INTS13: variants seen among roughly 807,000 people sequenced by gnomAD.
INTS13 encodes asunder, spermatogenesis regulator homolog (Drosphila).
In INTS13, 35 loss-of-function variants were observed where a neutral mutation model predicts 90.2. That is an observed-to-expected ratio of 0.39 (90% CI 0.30 to 0.51). The LOEUF is 0.51. INTS13 is among the 20% of genes least tolerant of loss of function. The pLI is 0.80. For missense variants in INTS13, 601 were observed against 851.2 expected, an observed-to-expected ratio of 0.71 and a Z score of 3.66; for synonymous variants, 309 against 277.1, an observed-to-expected ratio of 1.11 and a Z score of -1.14.
chr12:26,921,347 T>A (rs902367840), intron 8 of INTS13, among the ~76,000 whole-genome samples: 1 of 152,258 alleles, frequency 6.6e-6, no homozygotes, highest in African/African-American at 2.4e-5. Flanking sequence ...TATCACTCTT[T>A]CGAGTTTGCT....
intron 14 of INTS13, among the ~76,000 whole-genome samples, 158 bp downstream of exon 14, chr12:26,913,299 C>T (rs1951841547): frequency 6.6e-6 from 1 of 152,118 alleles, no homozygotes; most frequent in African/African-American, 2.4e-5. Context: ...AAGAAAGATC[C>T]TCTAGATTTT....
intron 14 of INTS13, among the ~76,000 whole-genome samples, chr12:26,911,524 T>A (rs891229728): frequency 6.6e-6 from 1 of 151,834 alleles, no homozygotes; most frequent in Non-Finnish European, 1.5e-5. Context: ...TTCATAATAA[T>A]AATGCAATGA....
intron 4 of INTS13, 135 bp downstream of exon 4, chr12:26,928,568 A>AT (rs998615100): frequency 5.7e-5 from 50 of 872,460 alleles, no homozygotes; most frequent in Non-Finnish European, 8.5e-5. Flanking sequence ...AAAAAAAAAA[A>AT]GAAAAAAATC....
chr12:26,934,214 T>TG (rs2136322107), intron 3 of INTS13, among the ~76,000 whole-genome samples: 1 of 152,288 alleles, frequency 6.6e-6, no homozygotes, highest in East Asian at 1.9e-4. Flanking sequence ...GAGGTTGCAG[T>TG]GAGCCGAGAT....
At position 26,924,409 on chromosome 12, in the gene INTS13, T is replaced by A. The variant is rs775890284; in HGVS notation, c.750A>T (p.Leu250Phe). 1.2e-6 allele frequency: 2 copies of A among 1,613,480 alleles called. No homozygotes were observed. The highest frequency in any genetic ancestry group is 8.5e-7 in the Non-Finnish European group (1 of 1,179,554). ...GRHLATKLNI[L>F]VQQHFDLAST... ...AAGCCAAGTCAAAATGTTGCTGTAC[T>A]AAAATATTCAATTTGGTAGCAAGAT... Residue 250 changes from leucine (L) to phenylalanine (F), a missense_variant, in exon 7 of 17, where the codon TTA (leucine) becomes TTT (phenylalanine). Physicochemically the swap from Leu to Phe is conservative, Grantham distance 22. Around this residue, in one of 3 missense-constraint regions of INTS13, gnomAD observed 284 missense variants for 387.7 expected, o/e 0.73. Coordinates refer to ENST00000261191, the MANE Select transcript of INTS13 (RefSeq NM_018164.3).
intron 11 of INTS13, among the ~76,000 whole-genome samples, chr12:26,915,745 T>C (rs1951914030): frequency 6.6e-6 from 1 of 152,208 alleles, no homozygotes; most frequent in Non-Finnish European, 1.5e-5. Context: ...TTCAAATCAA[T>C]TTATTATTTC....
intron 16 of INTS13, among the ~76,000 whole-genome samples, chr12:26,905,895 C>T (rs573270134): frequency 3.5e-4 from 54 of 152,232 alleles, no homozygotes; most frequent in African/African-American, 1.2e-3. Flanking sequence ...TTTCCACCAA[C>T]AAATTAAGAG....
chr12:26,926,017 A>C (rs1592222136), intron 5 of INTS13, among the ~76,000 whole-genome samples, 166 bp from the exon 6 acceptor site: 1 of 152,356 alleles, frequency 6.6e-6, no homozygotes, highest in Non-Finnish European at 1.5e-5. Flanking sequence ...TGTAATTGCT[A>C]TACCTGTATG....
intron 16 of INTS13, 133 bp from the exon 17 acceptor site, chr12:26,905,669 A>C: frequency 1.2e-6 from 1 of 865,110 alleles, no homozygotes; most frequent in Non-Finnish European, 1.7e-6. Flanking sequence ...GAAAGGACTA[A>C]CATCAGGGTT....
Position 26,917,645 on chromosome 12 carries a change from A to G in INTS13, c.978T>C (p.Ile326=). The G allele has an allele frequency of 6.2e-7, 1 of 1,610,274 alleles. No homozygotes were observed. The change falls in exon 9 of 17, where the codon ATT becomes ATC. Residue 326 remains isoleucine (I), a splice_region_variant and synonymous_variant. Transcript: ENST00000261191. The part of the protein sequence containing the change: ...LKWCTPRTNN[I]ELHYCTGAYR... Reference sequence around the variant, plus strand: ...TTTCAGTTATTCTTAAATACCTACCAATGTTATTTGTCCTTGGTGTACACC... The same window carrying G: ...TTTCAGTTATTCTTAAATACCTACCGATGTTATTTGTCCTTGGTGTACACC...
intron 8 of INTS13, among the ~76,000 whole-genome samples, chr12:26,919,761 T>C (rs937758026): frequency 3.5e-5 from 5 of 141,556 alleles, no homozygotes; most frequent in African/African-American, 1.3e-4. Flanking sequence ...AGCTCCTAAG[T>C]TGTTTTGGGC....
chr12:26,920,848 G>C (rs546218020), intron 8 of INTS13, among the ~76,000 whole-genome samples: 19 of 152,104 alleles, frequency 1.2e-4, no homozygotes, highest in Admixed American at 7.2e-4. Context: ...TTTCATGTTA[G>C]CAGTTCATTA....
intron 3 of INTS13, among the ~76,000 whole-genome samples, chr12:26,932,339 G>T (rs529424714): frequency 6.6e-6 from 1 of 152,106 alleles, no homozygotes; most frequent in East Asian, 1.9e-4. Flanking sequence ...AGAACTAGAG[G>T]CACCAATTAC....
chr12:26,936,807 G>GT lies in INTS13; in HGVS notation c.-5dup, dbSNP rs746621463. The GT allele has an allele frequency of 5.0e-6, 8 of 1,604,996 alleles. No homozygotes were observed. In the African/African-American group the frequency reaches 1.1e-4, roughly 21 times the overall value. ...GAGATTCAGAAAAAATCTTCATTTT[G>GT]TTTTAACCTGTAAGGGGAAAAACAT... On this transcript the variant is annotated 5_prime_UTR_variant, in exon 2 of 17. Coordinates refer to ENST00000261191, the MANE Select transcript of INTS13 (RefSeq NM_018164.3).
At chr12:26,929,549 C>T (rs970068507) in intron 3 of INTS13, among the ~76,000 whole-genome samples, 8 of 149,958 alleles carry the variant, frequency 5.3e-5, no homozygotes, top group Non-Finnish European at 1.0e-4. Flanking sequence ...AGCAAGACAC[C>T]GTTTCTATAA....
intron 15 of INTS13, among the ~76,000 whole-genome samples, chr12:26,910,000 C>T (rs1389237784): frequency 6.6e-6 from 1 of 152,128 alleles, no homozygotes; most frequent in Non-Finnish European, 1.5e-5. Flanking sequence ...TCTAGTTTGC[C>T]TTCAAGATAA....
rs1592202570 is a variant in INTS13, at chr12:26,913,618, C to T, written c.1644G>A (p.Glu548=). The T allele has an allele frequency of 6.2e-7, 1 of 1,614,086 alleles. No homozygotes were observed. Among genetic ancestry groups the T allele is most frequent in the Non-Finnish European group, 8.5e-7 (1 of 1,180,012 alleles). The change falls in exon 14 of 17, where the codon GAG becomes GAA. Residue 548 remains glutamate (E), a synonymous_variant. Coordinates refer to ENST00000261191, the MANE Select transcript of INTS13 (RefSeq NM_018164.3). The part of the protein sequence containing the change: ...TLVRAHINNS[E]KHQRVLECLM... Reference sequence around the variant, plus strand: ...GACATTCCAAGACTCTTTGATGTTTCTCTGAGTTGTTGATATGGGCTCTGA... The same window carrying T: ...GACATTCCAAGACTCTTTGATGTTTTTCTGAGTTGTTGATATGGGCTCTGA...
At chr12:26,919,339 G>A (rs1399288810) in intron 8 of INTS13, among the ~76,000 whole-genome samples, 1 of 152,144 alleles carries the variant, frequency 6.6e-6, no homozygotes, top group Admixed American at 6.6e-5. Flanking sequence ...GAATAAAAAG[G>A]GGGAGGGGGC....
intron 1 of INTS13, among the ~76,000 whole-genome samples, chr12:26,937,358 A>C (rs558201807): frequency 6.6e-6 from 1 of 152,208 alleles, no homozygotes; most frequent in East Asian, 1.9e-4. Context: ...ATAACCGCAC[A>C]TCAGGTCTTC....
Sources: allele counts gnomAD v4.1 joint callset (sites outside exome capture counted in the v4.1 genomes callset), GRCh38; gene constraint gnomAD v4.1.1; regional missense constraint gnomAD v4.1.1; transcripts MANE v1.5; gene names NCBI Gene and HGNC (gene_info 2026-07-23, HGNC 2026-07-21).